The following DCT variants were observed in gnomAD, a reference collection of about 807,000 sequenced individuals.
DCT encodes L-dopachrome tautomerase.
In DCT, 47 loss-of-function variants were observed where a neutral mutation model predicts 53.0. That is an observed-to-expected ratio of 0.89 (90% confidence interval 0.70 to 1.13). The LOEUF is 1.13. DCT is among the 50% of genes most tolerant of loss of function. The pLI, the probability that DCT is intolerant of heterozygous loss-of-function variation, is 0.00. For synonymous variants in DCT, 244 were observed against 237.0 expected (o/e 1.03, Z -0.27); for missense variants, 669 against 637.4 (o/e 1.05, Z -0.53).
chr13:94,545,812 G>A, the DCT span, among the ~76,000 whole-genome samples: 1 of 151,852 alleles, frequency 6.6e-6, no homozygotes, highest in Middle Eastern at 3.4e-3. Context: ...CCTGCTTCCC[G>A]ATCACTCCTC....
chr13:94,520,299 C>T, the DCT span, among the ~76,000 whole-genome samples: 40 of 152,304 alleles, frequency 2.6e-4, no homozygotes, highest in Non-Finnish European at 4.9e-4. Context: ...TTTTAATTAG[C>T]TGCCCACAAT....
At chr13:94,445,708 C>T (rs778440473) in intron 6 of DCT, 34 of 1,576,170 alleles carry the variant, frequency 2.2e-5, no homozygotes, top group Non-Finnish European at 2.8e-5. Flanking sequence ...GCCTCCCAGG[C>T]TCATGGTTAC....
the DCT span, among the ~76,000 whole-genome samples, chr13:94,545,998 T>C: frequency 6.6e-6 from 1 of 152,078 alleles, no homozygotes; most frequent in Non-Finnish European, 1.5e-5. Context: ...TCAGAGTGCC[T>C]GCTTGAGAAA....
Position 94,443,384 on chromosome 13 carries a change from T to C in DCT, c.1381+52A>G, listed in dbSNP as rs141067866. 929 of 1,380,378 alleles carry C rather than the reference T, an allele frequency of 6.7e-4. 8 individuals are homozygous for C. The African/African-American group carries it at 0.011, about 17-fold the overall frequency. The allele number at this position is 1,380,378 out of a possible 1,614,324, so 85.5% of individuals were successfully genotyped here. A position where few individuals can be genotyped will look rare whatever the true frequency, so the allele number is the denominator to read the frequency against. ...TTATAAAGAAAGAAAGCAAGAAAGC[T>C]AGCTTCTTTAGAAGATGAATGAATC... On this transcript the variant is annotated intron_variant, in intron 7 of 7. Coordinates refer to ENST00000377028, the MANE Select transcript of DCT (RefSeq NM_001922.5).
chr13:94,464,832 C>G (rs1459267192), intron 4 of DCT, among the ~76,000 whole-genome samples: 1 of 152,144 alleles, frequency 6.6e-6, no homozygotes, highest in Admixed American at 6.5e-5. Context: ...GGCCACTGAC[C>G]TGTGTATGGT....
chr13:94,540,112 TA>T, the DCT span, among the ~76,000 whole-genome samples: 9,631 of 147,200 alleles, frequency 0.065, 547 homozygotes, highest in African/African-American at 0.16. Flanking sequence ...TTATCAATTC[TA>T]AAAAAAAAAA....
At chr13:94,493,235 C>A in the DCT span, among the ~76,000 whole-genome samples, 1 of 152,078 alleles carries the variant, frequency 6.6e-6, no homozygotes, top group Admixed American at 6.6e-5. Context: ...TTGCCAGCTT[C>A]TCGAAATTTA....
chr13:94,547,984 A>AAAAAATATAT, the DCT span, among the ~76,000 whole-genome samples: 37 of 65,812 alleles, frequency 5.6e-4, 2 homozygotes, highest in African/African-American at 4.0e-3. Context: ...AAAAAAAAAA[A>AAAAAATATAT]ATATATATAT....
At chr13:94,475,257 G>A (rs141699407) in intron 1 of DCT, among the ~76,000 whole-genome samples, 68 of 152,218 alleles carry the variant, frequency 4.5e-4, no homozygotes, top group African/African-American at 1.2e-3. Context: ...ACTTAGTCTC[G>A]TGCCCTGAGA....
At chr13:94,540,044 A>C in the DCT span, among the ~76,000 whole-genome samples, 1 of 152,342 alleles carries the variant, frequency 6.6e-6, no homozygotes, top group East Asian at 1.9e-4. Context: ...GCTACAGGAA[A>C]GACTCTTTTT....
At chr13:94,488,859 TACATACACAC>T in the DCT span, among the ~76,000 whole-genome samples, 45,016 of 150,580 alleles carry the variant, frequency 0.3, 6,909 homozygotes, top group Non-Finnish European at 0.34. Flanking sequence ...TATGTACACA[TACATACACAC>T]ACATACACAC....
the DCT span, among the ~76,000 whole-genome samples, chr13:94,519,666 G>A: frequency 2.6e-5 from 4 of 152,188 alleles, no homozygotes; most frequent in Non-Finnish European, 4.4e-5. Flanking sequence ...CTACACATTG[G>A]TAGGGACTGC....
the DCT span, among the ~76,000 whole-genome samples, chr13:94,527,384 G>A: frequency 0.012 from 1,863 of 152,248 alleles, 39 homozygotes; most frequent in African/African-American, 0.042. Flanking sequence ...AGTAGGGGCC[G>A]ACAGACACCT....
rs1885282029 is a variant in DCT at position 94,478,966 on chromosome 13, C to A, written c.290G>T (p.Cys97Phe). ...GCTTGGAGCATGGGCCTCACCTGTG[C>A]ACTTGCAGGTCCGGTGGAAGAATTT... ...PRKFFHRTCK[C>F]TGNFAGYNCG... Residue 97 changes from cysteine to phenylalanine, a missense_variant, in exon 1 of 8, where the codon TGC becomes TTC. Transcript: ENST00000377028. 3 of 1,607,908 alleles carry A rather than the reference C, an allele frequency of 1.9e-6. No homozygotes were observed. Among genetic ancestry groups the A allele is most frequent in the South Asian group, 2.2e-5 (2 of 90,396 alleles).
chr13:94,481,796 TC>T (rs1885455834), upstream of DCT, among the ~76,000 whole-genome samples: 2 of 152,212 alleles, frequency 1.3e-5, no homozygotes, highest in Non-Finnish European at 2.9e-5. Flanking sequence ...TTTTGCTCTC[TC>T]CTCCCAAATG....
chr13:94,466,300 G>A (rs977056442), intron 3 of DCT, among the ~76,000 whole-genome samples: 27 of 151,962 alleles, frequency 1.8e-4, no homozygotes, highest in African/African-American at 6.3e-4. Context: ...TAAATAACTC[G>A]AGGTCTGAGA....
At chr13:94,487,779 T>A in the DCT span, among the ~76,000 whole-genome samples, 1 of 152,278 alleles carries the variant, frequency 6.6e-6, no homozygotes, top group Admixed American at 6.5e-5. Flanking sequence ...TGCCTCATCA[T>A]GGGGAAAAGA....
the DCT span, among the ~76,000 whole-genome samples, chr13:94,517,176 C>A: frequency 6.6e-6 from 1 of 152,172 alleles, no homozygotes; most frequent in Non-Finnish European, 1.5e-5. Flanking sequence ...TCTCTTCCAC[C>A]CTTTTTATTC....
At chr13:94,462,276 G>C in intron 4 of DCT, 87 bp from the exon 5 acceptor site, 1 of 1,017,338 alleles carries the variant, frequency 9.8e-7, no homozygotes, top group Non-Finnish European at 1.5e-6. Context: ...GGGAGGTTGA[G>C]GCAGGTGGAT....
Sources: gnomAD v4.1 joint callset for allele counts (sites outside exome capture counted in the v4.1 genomes callset) on GRCh38, gnomAD v4.1.1 for gene constraint, MANE v1.5 for transcripts, NCBI Gene and HGNC (gene_info 2026-07-23, HGNC 2026-07-21) for gene names.